Variants in GREB1 observed in about 807,000 individuals in gnomAD.
GREB1 encodes growth regulating estrogen receptor binding 1, also known as protein GREB1.
GREB1 carries 106 observed loss-of-function variants against 200.7 expected under a neutral mutation model. That is an observed-to-expected ratio of 0.53 (90% CI 0.45 to 0.62). The LOEUF (loss-of-function observed/expected upper bound fraction) is 0.62. Ranked by LOEUF, GREB1 falls within the 20% of genes least tolerant of loss-of-function variation. The pLI is 0.00. For missense variants in GREB1, 2,243 were observed against 2,556.8 expected (o/e 0.88, Z 2.65); for synonymous variants, 1,132 against 1,092.4 (o/e 1.04, Z -0.72).
At position 11,615,191 on chromosome 2, in the gene GREB1, G is replaced by A. The variant is rs377183698; in HGVS notation, c.3223G>A (p.Glu1075Lys). The change falls in exon 20 of 33, where the codon GAG (glutamate) becomes AAG (lysine). Residue 1075 changes from glutamate to lysine, a missense_variant. Glu to Lys is a moderately conservative substitution (Grantham distance 56). This residue lies in a region of GREB1 where 1,178 missense variants were observed against 1,387.4 expected (regional missense o/e 0.85). Coordinates refer to ENST00000381486, the MANE Select transcript of GREB1 (RefSeq NM_014668.4). ...CCTGGCTGCCTACTTTGTGAGCAAC[G>A]AGGTTCCCTTGGAGAAGGGGGCTAG... Reference protein sequence around the residue: ...LGLAAYFVSNEVPLEKGARNE... With the variant: ...LGLAAYFVSNKVPLEKGARNE... 23 of 1,614,012 alleles carry A rather than the reference G, an allele frequency of 1.4e-5. No homozygotes were observed. The highest frequency in any genetic ancestry group is 3.3e-5 in the Admixed American group (2 of 60,010).
At chr2:11,637,164 G>A (rs1201297285) in intron 30 of GREB1, among the ~76,000 whole-genome samples, 3 of 152,102 alleles carry the variant, frequency 2.0e-5, no homozygotes, top group Admixed American at 6.5e-5. Context: ...ATGGAGGAAG[G>A]GGAGGAGGGT....
At chr2:11,515,160 T>C (rs1673457400) in intron 1 of GREB1, among the ~76,000 whole-genome samples, 1 of 148,396 alleles carries the variant, frequency 6.7e-6, no homozygotes, top group Non-Finnish European at 1.5e-5. Context: ...CGTCCATCTA[T>C]CCATCCATCC....
chr2:11,601,858 G>C (rs1681813081), intron 16 of GREB1, among the ~76,000 whole-genome samples: 1 of 152,236 alleles, frequency 6.6e-6, no homozygotes, highest in Non-Finnish European at 1.5e-5. Flanking sequence ...GAAAGTCGTG[G>C]AGCTAGGATA....
Position 11,563,871 on chromosome 2 carries a change from G to A in GREB1, c.277+1289G>A, listed in dbSNP as rs534615079. 3.9e-5 allele frequency among the ~76,000 whole-genome samples: 6 copies of A among 152,304 alleles called. No homozygotes were observed. In the South Asian group the frequency reaches 1.2e-3, roughly 32 times the overall value. Reference sequence around the variant, plus strand: ...TAAATGGGACGAGAGATCCCTGTTTGATGGGAGCTATACAGGAAAGTGGAT... The same window carrying A: ...TAAATGGGACGAGAGATCCCTGTTTAATGGGAGCTATACAGGAAAGTGGAT... On this transcript the variant is annotated intron_variant, in intron 3 of 32. Transcript: ENST00000381486.
intron 27 of GREB1, 147 bp downstream of exon 27, chr2:11,632,260 A>G (rs1426209895): frequency 1.7e-6 from 1 of 600,336 alleles, no homozygotes; most frequent in Non-Finnish European, 3.0e-6. Context: ...TGACTTTTTT[A>G]TGCAGTCTTC....
intron 10 of GREB1, among the ~76,000 whole-genome samples, chr2:11,590,110 C>T (rs1284177134): frequency 1.3e-5 from 2 of 152,032 alleles, no homozygotes; most frequent in Non-Finnish European, 2.9e-5. Flanking sequence ...CCAGAGGAGG[C>T]GACTGAGATG....
At chr2:11,636,087 T>C (rs1244443970) in intron 30 of GREB1, among the ~76,000 whole-genome samples, 1 of 152,246 alleles carries the variant, frequency 6.6e-6, no homozygotes, top group Non-Finnish European at 1.5e-5. Context: ...TGAGGTGGGC[T>C]GGGTCTGAAT....
At chr2:11,515,133 T>TCCATCCACCCAC (rs571930870) in intron 1 of GREB1, among the ~76,000 whole-genome samples, 1 of 144,350 alleles carries the variant, frequency 6.9e-6, no homozygotes, top group African/African-American at 2.7e-5. Flanking sequence ...CATCCATCCA[T>TCCATCCACCCAC]CCACCCACCC....
intron 4 of GREB1, among the ~76,000 whole-genome samples, chr2:11,568,586 G>A (rs764106583): frequency 3.3e-5 from 5 of 152,270 alleles, no homozygotes; most frequent in Admixed American, 6.5e-5. Flanking sequence ...GTGAGTACGC[G>A]AGGCCATGCC....
chr2:11,601,109 TTGGA>T, intron 16 of GREB1, 114 bp downstream of exon 16: 1 of 796,634 alleles, frequency 1.3e-6, no homozygotes, highest in East Asian at 2.7e-5. Context: ...TTCCAGCTCC[TTGGA>T]TCTTTGGTTC....
intron 1 of GREB1, among the ~76,000 whole-genome samples, chr2:11,486,061 G>A (rs189946607): frequency 1.3e-5 from 2 of 152,292 alleles, no homozygotes; most frequent in Non-Finnish European, 2.9e-5. Context: ...TCTCCTTTTA[G>A]CATTCTCTGT....
At chr2:11,624,055 G>A (rs542201165) in intron 23 of GREB1, among the ~76,000 whole-genome samples, 1 of 152,270 alleles carries the variant, frequency 6.6e-6, no homozygotes, top group East Asian at 1.9e-4. Context: ...AGTTTAAAAG[G>A]TTATAAAGTA....
intron 1 of GREB1, among the ~76,000 whole-genome samples, chr2:11,555,575 C>T (rs966408912): frequency 6.6e-6 from 1 of 152,152 alleles, no homozygotes; most frequent in Non-Finnish European, 1.5e-5. Flanking sequence ...TTGATTCATG[C>T]TAAACAGATG....
At chr2:11,575,168 C>T (rs1001971244) in intron 4 of GREB1, among the ~76,000 whole-genome samples, 5 of 152,202 alleles carry the variant, frequency 3.3e-5, no homozygotes, top group Non-Finnish European at 7.3e-5. Flanking sequence ...GCCTAAGGCA[C>T]GATGACCTTT....
Position 11,622,215 on chromosome 2 carries a change from G to A in GREB1, c.4147+1208G>A, listed in dbSNP as rs577745757. Among the ~76,000 whole-genome samples, 6 of 152,244 alleles carry A rather than the reference G, an allele frequency of 3.9e-5. No homozygotes were observed. In the East Asian group the frequency reaches 7.7e-4, roughly 20 times the overall value. ...CTTGTCTCAGCCTCTGGAGCAGCTGGATTTATAGGCATGTGCCACCACGCC... is the reference window on the plus strand; with the variant it reads ...CTTGTCTCAGCCTCTGGAGCAGCTGAATTTATAGGCATGTGCCACCACGCC... On this transcript the variant is annotated intron_variant, in intron 23 of 32. Transcript: ENST00000381486.
chr2:11,579,111 G>T (rs1679198827), intron 6 of GREB1, among the ~76,000 whole-genome samples: 1 of 152,226 alleles, frequency 6.6e-6, no homozygotes, highest in Non-Finnish European at 1.5e-5. Flanking sequence ...CTCCTGCCCA[G>T]AGGGTCTGTA....
At chr2:11,631,298 A>T (rs1007450776) in intron 26 of GREB1, among the ~76,000 whole-genome samples, 5 of 152,372 alleles carry the variant, frequency 3.3e-5, no homozygotes, top group Middle Eastern at 3.4e-3. Context: ...GTGGATAGCT[A>T]AGCTCTATGG....
intron 1 of GREB1, among the ~76,000 whole-genome samples, chr2:11,520,747 T>G (rs1327002129): frequency 3.3e-5 from 5 of 152,236 alleles, no homozygotes; most frequent in African/African-American, 9.6e-5. Flanking sequence ...TCTCAAGGTC[T>G]GGAACCTGAA....
At chr2:11,521,467 A>C (rs1050352714) in intron 1 of GREB1, among the ~76,000 whole-genome samples, 1 of 152,204 alleles carries the variant, frequency 6.6e-6, no homozygotes. Context: ...AAAAATTGGC[A>C]TGTGTGAATT....
Sources: allele counts gnomAD v4.1 joint callset (sites outside exome capture counted in the v4.1 genomes callset), GRCh38; gene constraint gnomAD v4.1.1; regional missense constraint gnomAD v4.1.1; transcripts MANE v1.5; gene names NCBI Gene and HGNC (gene_info 2026-07-23, HGNC 2026-07-21).